Variants in RABGAP1L observed in about 807,000 individuals in gnomAD.
RABGAP1L encodes RAB GTPase activating protein 1 like.
RABGAP1L carries 63 observed loss-of-function variants against 137.7 expected under a neutral mutation model. The ratio of observed to expected loss-of-function variants is 0.46; its 90% confidence interval spans 0.37 to 0.56. RABGAP1L has a LOEUF of 0.56. RABGAP1L is among the 20% of genes least tolerant of loss of function. The probability of loss-of-function intolerance (pLI) is 0.00; values close to 1 mark genes in which losing one functional copy is unlikely to be tolerated. For synonymous variants in RABGAP1L, 431 were observed against 433.7 expected (o/e 0.99, Z 0.08); for missense variants, 1,095 against 1,244.0 (o/e 0.88, Z 1.80).
intron 13 of RABGAP1L, among the ~76,000 whole-genome samples, chr1:174,567,821 A>G (rs1667687177): frequency 6.6e-6 from 1 of 152,226 alleles, no homozygotes; most frequent in Non-Finnish European, 1.5e-5. Flanking sequence ...ATGTTTTTAC[A>G]ATAAGAAAGA....
At chr1:174,868,139 A>G (rs1651603842) in intron 19 of RABGAP1L, among the ~76,000 whole-genome samples, 1 of 150,846 alleles carries the variant, frequency 6.6e-6, no homozygotes, top group Admixed American at 6.6e-5. Flanking sequence ...TTGTATTTTT[A>G]TTAGAGATGA....
intron 3 of RABGAP1L, among the ~76,000 whole-genome samples, chr1:174,222,964 C>T (rs60060044): frequency 7.2e-5 from 11 of 151,806 alleles, no homozygotes; most frequent in East Asian, 1.9e-4. Context: ...GGCAAAACCC[C>T]GTCTCTATTA....
At position 174,981,342 on chromosome 1, in the gene RABGAP1L, G is replaced by A. The variant is rs142625364; in HGVS notation, c.2734-1492G>A. ...CTTCTTTTTAACATCAGTCAATACCGTCCTACTAATGGTTCCTCAGGCTTG... is the reference window on the plus strand; with the variant it reads ...CTTCTTTTTAACATCAGTCAATACCATCCTACTAATGGTTCCTCAGGCTTG... On this transcript the variant is annotated intron_variant, in intron 23 of 25. Transcript: ENST00000681986. 7.1e-4 allele frequency among the ~76,000 whole-genome samples: 108 copies of A among 152,106 alleles called. 1 individual carries two copies. The highest frequency in any genetic ancestry group is 2.4e-3 in the African/African-American group (98 of 41,512).
intron 7 of RABGAP1L, among the ~76,000 whole-genome samples, chr1:174,252,898 C>G (rs1447729133): frequency 6.6e-6 from 1 of 151,988 alleles, no homozygotes; most frequent in Non-Finnish European, 1.5e-5. Flanking sequence ...CAATCACTTT[C>G]GATTACTCTT....
Position 174,682,116 on chromosome 1 carries a change from A to T in RABGAP1L, c.1825-1406A>T, listed in dbSNP as rs988265025. On this transcript the variant is annotated intron_variant, in intron 14 of 25. Transcript: ENST00000681986. ...GCCAACATGGTGAAACCCTGTCTCT[A>T]CTAAAACTATGAAAATTAGCTGGGT... Among the ~76,000 whole-genome samples the T allele has an allele frequency of 2.0e-5, 3 of 152,192 alleles. 1 individual carries two copies. Among genetic ancestry groups the T allele is most frequent in the Middle Eastern group, 6.8e-3 (2 of 294 alleles).
intron 19 of RABGAP1L, among the ~76,000 whole-genome samples, chr1:174,881,407 ATCG>A (rs1195221777): frequency 1.3e-5 from 2 of 151,560 alleles, no homozygotes; most frequent in African/African-American, 4.9e-5. Context: ...GAAATTTAAA[ATCG>A]TCTTTTGGAG....
At chr1:174,492,436 C>A (rs1003433291) in intron 13 of RABGAP1L, among the ~76,000 whole-genome samples, 2 of 151,166 alleles carry the variant, frequency 1.3e-5, no homozygotes, top group Non-Finnish European at 2.9e-5. Flanking sequence ...GCAACCTCTG[C>A]CTCGCAGATT....
rs545732691 is a variant in RABGAP1L at position 174,465,449 on chromosome 1, T to C, written c.1710+71304T>C. 2.0e-5 allele frequency among the ~76,000 whole-genome samples: 3 copies of C among 151,880 alleles called. No individual in the cohort carries two copies. In the South Asian group the frequency reaches 6.3e-4, roughly 32 times the overall value. ...TGCTGACCTCAGGCGATCCACCCAC[T>C]TCGGCCTCCCAAAGTGCTGGGATTA... On this transcript the variant is annotated intron_variant, in intron 13 of 25. Coordinates refer to ENST00000681986, the MANE Select transcript of RABGAP1L (RefSeq NM_001366446.1).
chr1:174,552,079 G>T (rs187882777), intron 13 of RABGAP1L, among the ~76,000 whole-genome samples: 13 of 152,224 alleles, frequency 8.5e-5, no homozygotes, highest in East Asian at 7.7e-4. Context: ...TTTTAAAAAA[G>T]ATATTAATAC....
chr1:174,215,435 C>T (rs61828581), intron 1 of RABGAP1L, among the ~76,000 whole-genome samples: 4 of 145,092 alleles, frequency 2.8e-5, no homozygotes, highest in Non-Finnish European at 4.5e-5. Flanking sequence ...CCAGCCTGGG[C>T]GACAAGAGCG....
chr1:174,955,729 A>C (rs1432468674), intron 19 of RABGAP1L, among the ~76,000 whole-genome samples: 1 of 152,216 alleles, frequency 6.6e-6, no homozygotes, highest in Non-Finnish European at 1.5e-5. Context: ...GAAGTTTGCA[A>C]CATAGCACGT....
intron 14 of RABGAP1L, among the ~76,000 whole-genome samples, chr1:174,647,413 A>G (rs1019355222): frequency 2.0e-5 from 3 of 152,164 alleles, no homozygotes; most frequent in Non-Finnish European, 4.4e-5. Context: ...AGTTTTTAGC[A>G]TGAAGGAGTG....
At chr1:174,492,791 C>T (rs750798814) in intron 13 of RABGAP1L, among the ~76,000 whole-genome samples, 57 of 152,002 alleles carry the variant, frequency 3.7e-4, no homozygotes, top group Admixed American at 1.8e-3. Context: ...ATAAGTCCTA[C>T]GGATTTTAAA....
rs376302530 is a variant in RABGAP1L, at chr1:174,699,055, C to T, written c.1900-470C>T. 5.9e-5 allele frequency among the ~76,000 whole-genome samples: 9 copies of T among 151,664 alleles called. 1 individual carries two copies. The South Asian group carries it at 1.0e-3, about 18-fold the overall frequency. On this transcript the variant is annotated intron_variant, in intron 15 of 25. Transcript: ENST00000681986. ...TGTCACCCATGCTGTAATGCAGTGA[C>T]GTGATTTTGCTCACTGCAACCTCCA...
chr1:174,509,832 CCAT>C (rs1374615848), intron 13 of RABGAP1L, among the ~76,000 whole-genome samples: 5 of 152,186 alleles, frequency 3.3e-5, no homozygotes, highest in African/African-American at 1.2e-4. Flanking sequence ...GTTCATGACA[CCAT>C]CAGTCACTTT....
chr1:174,626,533 C>G (rs988498611), intron 13 of RABGAP1L, among the ~76,000 whole-genome samples: 6 of 152,052 alleles, frequency 3.9e-5, no homozygotes, highest in Admixed American at 2.6e-4. Context: ...TATTTTTGAC[C>G]ATTGTGTCTG....
chr1:174,551,021 T>TATAC lies in RABGAP1L; in HGVS notation c.1711-86353_1711-86352insTACA, dbSNP rs1553330343. Among the ~76,000 whole-genome samples, 105 of 122,794 alleles carry TATAC rather than the reference T, an allele frequency of 8.6e-4. 4 individuals carry two copies. The highest frequency in any genetic ancestry group is 2.6e-3 in the African/African-American group (68 of 26,204). 80.6% of individuals were successfully genotyped at this position (122,794 alleles called of 152,430 possible). ...ACACATATATATATATATATATATA[T>TATAC]ACATACACACACACACATATATATA... is the stretch of plus-strand genomic sequence containing the variant. On this transcript the variant is annotated intron_variant, in intron 13 of 25. Transcript: ENST00000681986.
At chr1:174,250,032 T>C (rs960832065) in intron 5 of RABGAP1L, among the ~76,000 whole-genome samples, 2 of 152,166 alleles carry the variant, frequency 1.3e-5, no homozygotes, top group African/African-American at 2.4e-5. Context: ...TGTATGCTGG[T>C]GGTGCTTAGT....
chr1:174,852,054 A>G (rs373462659), intron 19 of RABGAP1L, among the ~76,000 whole-genome samples: 4 of 152,226 alleles, frequency 2.6e-5, no homozygotes, highest in African/African-American at 7.2e-5. Context: ...TTAAGTTGCT[A>G]TACACTAGAA....
Sources: gnomAD v4.1 joint callset for allele counts (sites outside exome capture counted in the v4.1 genomes callset) on GRCh38, gnomAD v4.1.1 for gene constraint, MANE v1.5 for transcripts, NCBI Gene and HGNC (gene_info 2026-07-23, HGNC 2026-07-21) for gene names.